The following NDRG3 variants were observed in gnomAD, a reference collection of about 807,000 sequenced individuals.
NDRG3 encodes NDRG family member 3.
A neutral mutation model predicts 57.2 loss-of-function variants in NDRG3; 23 were observed. The observed-to-expected ratio is 0.40, with a 90% CI of 0.29 to 0.57. The LOEUF (loss-of-function observed/expected upper bound fraction) is 0.57. NDRG3 is among the 20% of genes least tolerant of loss of function. The pLI is 0.42. For synonymous variants in NDRG3, 132 were observed against 162.6 expected, an observed-to-expected ratio of 0.81 and a Z score of 1.43; for missense variants, 384 against 457.3, an observed-to-expected ratio of 0.84 and a Z score of 1.46.
Position 36,653,605 on chromosome 20 carries a change from G to C in NDRG3, c.1043C>G (p.Thr348Ser), listed in dbSNP as rs1978397378. ...TTGAGTTCCATCTGACTGATTGCTGGTGACAGACCGGCTGAAGGGACTTTC... is the reference window on the plus strand; with the variant it reads ...TTGAGTTCCATCTGACTGATTGCTGCTGACAGACCGGCTGAAGGGACTTTC... ...SGESPFSRSVTSNQSDGTQES... is the reference protein window; with the variant it reads ...SGESPFSRSVSSNQSDGTQES... The change falls in exon 16 of 16, where the codon ACC (threonine) becomes AGC (serine). Residue 348 changes from threonine (T) to serine (S), a missense_variant. Thr to Ser is a moderately conservative substitution (Grantham distance 58). Transcript: ENST00000349004. This position sits in a 1 kb window ranked among gnomAD's most constrained non-coding sequence, Gnocchi z 4.2. 1 of 1,614,062 alleles carries C rather than the reference G, an allele frequency of 6.2e-7. No homozygotes were observed. The highest frequency in any genetic ancestry group is 8.5e-7 in the Non-Finnish European group (1 of 1,180,042).
chr20:36,668,348 T>C lies in NDRG3; in HGVS notation c.589-1956A>G, dbSNP rs573069365. 8.5e-5 allele frequency among the ~76,000 whole-genome samples: 13 copies of C among 152,334 alleles called. No homozygotes were observed. The South Asian group carries it at 2.7e-3, about 32-fold the overall frequency. The stretch of plus-strand genomic sequence containing the variant: ...CCCTTGTAAAGTATGGTAGAGATCA[T>C]TCCTTATCCGGATATATAGAGCTAT... On this transcript the variant is annotated intron_variant, in intron 9 of 15. Transcript: ENST00000349004.
intron 8 of NDRG3, among the ~76,000 whole-genome samples, chr20:36,671,677 C>T (rs374530726): frequency 5.1e-4 from 78 of 152,000 alleles, no homozygotes; most frequent in African/African-American, 1.8e-3. Flanking sequence ...TGGCAGGTAC[C>T]TGTAGTCCCT....
chr20:36,675,059 A>ATTTT (rs34154196), intron 8 of NDRG3, among the ~76,000 whole-genome samples: 3 of 101,212 alleles, frequency 3.0e-5, no homozygotes, highest in Non-Finnish European at 5.9e-5. Context: ...CACAACTGGC[A>ATTTT]TTTTTTTTTT....
At chr20:36,708,357 T>C (rs927866433) in intron 2 of NDRG3, among the ~76,000 whole-genome samples, 21 of 151,958 alleles carry the variant, frequency 1.4e-4, no homozygotes, top group Middle Eastern at 3.2e-3. Flanking sequence ...CTCCTAGAAA[T>C]AGTTCTTCAG....
chr20:36,705,181 G>A (rs1487617323), intron 3 of NDRG3, among the ~76,000 whole-genome samples: 1 of 151,838 alleles, frequency 6.6e-6, no homozygotes, highest in East Asian at 1.9e-4. Flanking sequence ...AATTAGCCAG[G>A]TGTGGTGGCG....
rs1228506082 is a variant in NDRG3 at position 36,666,218 on chromosome 20, C to G, written c.692+71G>C. The G allele has an allele frequency of 3.4e-6, 4 of 1,168,448 alleles. No homozygotes were observed. In the African/African-American group the frequency reaches 4.5e-5, roughly 13 times the overall value. 72.4% of individuals were successfully genotyped at this position (1,168,448 alleles called of 1,614,324 possible). On this transcript the variant is annotated intron_variant, in intron 10 of 15. Coordinates refer to ENST00000349004, the MANE Select transcript of NDRG3 (RefSeq NM_032013.4). ...TGGTCCCAAGATTAGATACAGTCCT[C>G]TCTCCTTCTCCCACCCTCCTCTTTT...
intron 1 of NDRG3, among the ~76,000 whole-genome samples, chr20:36,741,861 GT>G (rs1481956677): frequency 6.6e-6 from 1 of 152,146 alleles, no homozygotes; most frequent in Non-Finnish European, 1.5e-5. Context: ...AGGAATATGG[GT>G]TTTAATAAGC....
intron 15 of NDRG3, among the ~76,000 whole-genome samples, chr20:36,656,109 G>A (rs1194850688): frequency 6.9e-6 from 1 of 145,842 alleles, no homozygotes; most frequent in Non-Finnish European, 1.5e-5. Context: ...ACTCCAGCCT[G>A]GCAACAGAGT....
At chr20:36,695,830 T>C (rs530187148) in intron 3 of NDRG3, among the ~76,000 whole-genome samples, 5 of 152,294 alleles carry the variant, frequency 3.3e-5, no homozygotes, top group African/African-American at 1.2e-4. Flanking sequence ...TTTATTGCCC[T>C]TGAAGCATGT....
chr20:36,667,618 A>G (rs1979744882), intron 9 of NDRG3, among the ~76,000 whole-genome samples: 1 of 152,238 alleles, frequency 6.6e-6, no homozygotes, highest in African/African-American at 2.4e-5. Context: ...ATAAGCATAC[A>G]TGTAAATACG....
intron 1 of NDRG3, among the ~76,000 whole-genome samples, chr20:36,744,131 C>T (rs144803676): frequency 0.028 from 4,320 of 151,956 alleles, 248 homozygotes; most frequent in African/African-American, 0.099. Context: ...CTCCATCTCC[C>T]GAACTCGTGA....
intron 2 of NDRG3, among the ~76,000 whole-genome samples, chr20:36,718,248 CTTTG>C (rs1264552207): frequency 6.6e-6 from 1 of 152,122 alleles, no homozygotes; most frequent in African/African-American, 2.4e-5. Flanking sequence ...GGGTGGAAGT[CTTTG>C]TTTGGAGGTG....
intron 2 of NDRG3, among the ~76,000 whole-genome samples, chr20:36,708,423 G>A (rs1983672463): frequency 6.6e-6 from 1 of 152,036 alleles, no homozygotes; most frequent in African/African-American, 2.4e-5. Context: ...GCTGAGGGAA[G>A]TGGATCACCC....
At chr20:36,718,740 G>A (rs773705907) in intron 2 of NDRG3, among the ~76,000 whole-genome samples, 2 of 151,988 alleles carry the variant, frequency 1.3e-5, no homozygotes, top group African/African-American at 2.4e-5. Flanking sequence ...GAGTGCAGTG[G>A]CACAATCACA....
intron 2 of NDRG3, among the ~76,000 whole-genome samples, chr20:36,711,278 C>CAAA (rs538568446): frequency 2.8e-5 from 4 of 141,792 alleles, no homozygotes; most frequent in African/African-American, 1.0e-4. Flanking sequence ...GACTCCGTCT[C>CAAA]AAAAAAAAAA....
chr20:36,740,515 T>A (rs897163966), intron 1 of NDRG3, among the ~76,000 whole-genome samples: 1 of 152,128 alleles, frequency 6.6e-6, no homozygotes, highest in East Asian at 1.9e-4. Flanking sequence ...CCCGGCTAAT[T>A]TTTGCATTTT....
chr20:36,745,700 A>G (rs1261819737), intron 1 of NDRG3, among the ~76,000 whole-genome samples: 1 of 152,152 alleles, frequency 6.6e-6, no homozygotes, highest in Non-Finnish European at 1.5e-5. Context: ...AGGCCCACCA[A>G]GCTCTGCCGC....
At chr20:36,684,700 T>G (rs1487930489) in intron 5 of NDRG3, among the ~76,000 whole-genome samples, 1 of 151,932 alleles carries the variant, frequency 6.6e-6, no homozygotes, top group African/African-American at 2.4e-5. Flanking sequence ...AAATACAAAA[T>G]TAGCTGGGTG....
intron 3 of NDRG3, among the ~76,000 whole-genome samples, chr20:36,692,037 C>G (rs1396631284): frequency 6.6e-6 from 1 of 152,112 alleles, no homozygotes; most frequent in Non-Finnish European, 1.5e-5. Flanking sequence ...AAAGAAACAA[C>G]TAGGGTGCTA....
Sources: gnomAD v4.1 joint callset for allele counts (sites outside exome capture counted in the v4.1 genomes callset) on GRCh38, gnomAD v4.1.1 for gene constraint, Gnocchi (gnomAD v3.1) non-coding constraint, MANE v1.5 for transcripts, NCBI Gene and HGNC (gene_info 2026-07-23, HGNC 2026-07-21) for gene names.